The following SLC19A1 variants were observed in gnomAD, a reference collection of about 807,000 sequenced individuals.
SLC19A1 encodes the protein reduced folate transporter.
A neutral mutation model predicts 35.3 loss-of-function variants in SLC19A1; 37 were observed. That is an observed-to-expected ratio of 1.05 (90% CI 0.81 to 1.38). The LOEUF (loss-of-function observed/expected upper bound fraction) is 1.38. Among genes scored for constraint, SLC19A1 ranks in the 40% most tolerant of loss-of-function variants. The pLI is 0.00. For synonymous variants in SLC19A1, 460 were observed against 398.5 expected (o/e 1.15, Z -1.84); for missense variants, 831 against 826.9 (o/e 1.00, Z -0.06).
intron 1 of SLC19A1, among the ~76,000 whole-genome samples, chr21:45,553,063 C>A (rs189370508): frequency 4.6e-5 from 7 of 152,088 alleles, no homozygotes; most frequent in Non-Finnish European, 8.8e-5. Context: ...AAGACTCCAC[C>A]GGGCGGCAGG....
intron 5 of SLC19A1, among the ~76,000 whole-genome samples, chr21:45,518,788 C>T (rs1429606857): frequency 6.6e-6 from 1 of 152,078 alleles, no homozygotes; most frequent in Non-Finnish European, 1.5e-5. Flanking sequence ...AAAGAGCAAT[C>T]AAGACACTCA....
intron 1 of SLC19A1, among the ~76,000 whole-genome samples, chr21:45,541,494 G>C (rs2078302042): frequency 6.6e-6 from 1 of 152,278 alleles, no homozygotes; most frequent in Non-Finnish European, 1.5e-5. Flanking sequence ...GGCCAGCTTA[G>C]TTGGCCTGTG....
rs1221020914 is a variant in SLC19A1, at chr21:45,512,983, C to T, written c.*2675G>A. 6.2e-6 allele frequency: 1 copy of T among 162,486 alleles called. No homozygotes were observed. The highest frequency in any genetic ancestry group is 5.7e-5 in the Admixed American group (1 of 17,556). The allele number at this position is 162,486 out of a possible 1,614,324, so 10.1% of individuals were successfully genotyped here. A position where few individuals can be genotyped will look rare whatever the true frequency, so the allele number is the denominator to read the frequency against. On this transcript the variant is annotated 3_prime_UTR_variant, in exon 6 of 6. Transcript: ENST00000311124. ...GCTCTGGGCCATTCTCCACAGCAAC[C>T]CCAGGCTGAAGCAGGTTCCCAAGCT...
In SLC19A1 at chr21:45,515,013, T is replaced by C. The variant is rs1445420792; in HGVS notation, c.*645A>G. On this transcript the variant is annotated 3_prime_UTR_variant, in exon 6 of 6. Coordinates refer to ENST00000311124, the MANE Select transcript of SLC19A1 (RefSeq NM_194255.4). ...CACTTCAGAAGGACAGACAGGACCA[T>C]GGAGGGCTGCCCTTAGGGTGGGAGA... The C allele has an allele frequency of 2.6e-6, 4 of 1,532,384 alleles. No homozygotes were observed. The highest frequency in any genetic ancestry group is 1.2e-5 in the South Asian group (1 of 80,720). 94.9% of individuals were successfully genotyped at this position (1,532,384 alleles called of 1,614,324 possible).
intron 1 of SLC19A1, among the ~76,000 whole-genome samples, chr21:45,559,915 C>G (rs1443062348): frequency 6.6e-6 from 1 of 151,612 alleles, no homozygotes; most frequent in African/African-American, 2.4e-5. Context: ...TCCACATGGG[C>G]AGTGGGCACA....
Position 45,530,811 on chromosome 21 carries a change from C to A in SLC19A1, c.1110G>T (p.Val370=). Residue 370 remains valine, a synonymous_variant, in exon 4 of 6, where the codon GTG becomes GTT. Transcript: ENST00000311124. The surrounding 1 kb of genome is among the most constrained non-coding windows in gnomAD (Gnocchi z 5.3). ...GGAACTGGTAGGAGCCGCGGAACAG[C>A]ACGAAGGCCGCATAGCACAGCCAGA... ...SSIWLCYAAF[V]LFRGSYQFLV... 1.3e-6 allele frequency: 2 copies of A among 1,565,078 alleles called. No homozygotes were observed. The highest frequency in any genetic ancestry group is 1.9e-5 in the Admixed American group (1 of 52,430).
upstream of SLC19A1, among the ~76,000 whole-genome samples, chr21:45,543,415 G>A (rs1189250898): frequency 1.3e-5 from 2 of 152,242 alleles, no homozygotes; most frequent in Non-Finnish European, 2.9e-5. Context: ...CGGCCACCGT[G>A]GTACCCACAG....
chr21:45,549,303 A>G (rs2078442328), upstream of SLC19A1, among the ~76,000 whole-genome samples: 1 of 152,046 alleles, frequency 6.6e-6, no homozygotes, highest in Admixed American at 6.5e-5. Flanking sequence ...TCCTGGAAGG[A>G]GGCAGGTGAG....
upstream of SLC19A1, among the ~76,000 whole-genome samples, chr21:45,543,327 G>A (rs1423459628): frequency 2.0e-5 from 3 of 152,240 alleles, no homozygotes; most frequent in Non-Finnish European, 4.4e-5. Context: ...GCTATGGGGA[G>A]GGAAGCCAAG....
In SLC19A1 at chr21:45,515,060, A is replaced by G; in HGVS notation, c.*598T>C. ...GAGAGAGGAACCAGCTCCGAGGACC[A>G]GAGCCGCTGCTCCCCTCTGATGACA... On this transcript the variant is annotated 3_prime_UTR_variant, in exon 6 of 6. Transcript: ENST00000311124. The G allele has an allele frequency of 1.3e-6, 2 of 1,544,882 alleles. No individual in the cohort carries two copies. Among genetic ancestry groups the G allele is most frequent in the Non-Finnish European group, 1.7e-6 (2 of 1,145,218 alleles).
downstream of SLC19A1, among the ~76,000 whole-genome samples, chr21:45,510,558 G>C (rs1293800907): frequency 6.6e-6 from 1 of 152,118 alleles, no homozygotes; most frequent in Non-Finnish European, 1.5e-5. Flanking sequence ...CATGCTGCTG[G>C]ACCAAGTGTC....
intron 3 of SLC19A1, among the ~76,000 whole-genome samples, chr21:45,503,675 T>C (rs556386512): frequency 1.8e-4 from 27 of 148,376 alleles, no homozygotes; most frequent in Admixed American, 5.3e-4. Context: ...TTGGGAGATA[T>C]ACCTAATGCT....
In SLC19A1 at chr21:45,515,504, C is replaced by A; in HGVS notation, c.*154G>T. 6.6e-7 allele frequency: 1 copy of A among 1,510,034 alleles called. No homozygotes were observed. 93.5% of individuals were successfully genotyped at this position (1,510,034 alleles called of 1,614,324 possible). A position where few individuals can be genotyped will look rare whatever the true frequency, so the allele number is the denominator to read the frequency against. On this transcript the variant is annotated 3_prime_UTR_variant, in exon 6 of 6. Transcript: ENST00000311124. ...GAGTGTCGCCAGCACGCTGTGGCCACCGCCAGAGTGCGGCACAGGGCAGGG... is the reference window on the plus strand; with the variant it reads ...GAGTGTCGCCAGCACGCTGTGGCCAACGCCAGAGTGCGGCACAGGGCAGGG...
chr21:45,522,911 C>G (rs1021106054), intron 5 of SLC19A1, among the ~76,000 whole-genome samples: 23 of 152,298 alleles, frequency 1.5e-4, no homozygotes, highest in African/African-American at 5.3e-4. Context: ...GTTCTGGATC[C>G]TGACTGTCGC....
downstream of SLC19A1, chr21:45,509,335 C>A: frequency 6.5e-7 from 1 of 1,542,132 alleles, no homozygotes; most frequent in African/African-American, 1.4e-5. Flanking sequence ...CGCCGACAGG[C>A]CCCACGTCTC....
chr21:45,515,307 G>C lies in SLC19A1; in HGVS notation c.*351C>G. ...TGTGGGGCCAGTGTCCCCTGAGCTGGTATCCAAGAGGCCACTTCACTAGCC... is the reference window on the plus strand; with the variant it reads ...TGTGGGGCCAGTGTCCCCTGAGCTGCTATCCAAGAGGCCACTTCACTAGCC... On this transcript the variant is annotated 3_prime_UTR_variant, in exon 6 of 6. Transcript: ENST00000311124. The C allele has an allele frequency of 1.3e-5, 19 of 1,464,940 alleles. No individual in the cohort carries two copies. Among genetic ancestry groups the C allele is most frequent in the Non-Finnish European group, 1.7e-5 (19 of 1,120,708 alleles). 90.7% of individuals were successfully genotyped at this position (1,464,940 alleles called of 1,614,324 possible).
chr21:45,507,607 T>A, downstream of SLC19A1: 1 of 1,612,696 alleles, frequency 6.2e-7, no homozygotes, highest in Non-Finnish European at 8.5e-7. Flanking sequence ...AGGAGCCTTT[T>A]TTCTGTTGAG....
chr21:45,529,443 T>C (rs1284367468), intron 4 of SLC19A1, among the ~76,000 whole-genome samples: 1 of 152,152 alleles, frequency 6.6e-6, no homozygotes, highest in African/African-American at 2.4e-5. Flanking sequence ...GAAGGGGTAC[T>C]GAGCTGGGGC....
intron 5 of SLC19A1, among the ~76,000 whole-genome samples, chr21:45,521,419 C>T (rs1289763904): frequency 6.6e-6 from 1 of 152,172 alleles, no homozygotes; most frequent in African/African-American, 2.4e-5. Flanking sequence ...TGGAAAACAA[C>T]ACAGTAAACA....
Sources: gnomAD v4.1 joint callset for allele counts (sites outside exome capture counted in the v4.1 genomes callset) on GRCh38, gnomAD v4.1.1 for gene constraint, Gnocchi (gnomAD v3.1) non-coding constraint, MANE v1.5 for transcripts, NCBI Gene and HGNC (gene_info 2026-07-23, HGNC 2026-07-21) for gene names.